The following SPTA1 variants were observed in gnomAD, a reference collection of about 807,000 sequenced individuals.
The protein encoded by SPTA1 is spectrin alpha chain, erythrocytic 1.
A neutral mutation model predicts 324.7 loss-of-function variants in SPTA1; 177 were observed. That is an observed-to-expected ratio of 0.55 (90% CI 0.48 to 0.62). SPTA1 has a LOEUF of 0.62. Among genes scored for constraint, SPTA1 ranks in the 20% least tolerant of loss-of-function variants. The pLI, the probability that SPTA1 is intolerant of heterozygous loss-of-function variation, is 0.00. For synonymous variants in SPTA1, 1,195 were observed against 1,041.3 expected, an observed-to-expected ratio of 1.15 and a Z score of -2.84; for missense variants, 3,162 against 2,883.6, an observed-to-expected ratio of 1.10 and a Z score of -2.21.
At chr1:158,634,733 T>C in intron 38 of SPTA1, 58 bp from the exon 39 acceptor site, 1 of 1,604,470 alleles carries the variant, frequency 6.2e-7, no homozygotes, top group East Asian at 2.2e-5. Context: ...GCAGTGGGAG[T>C]ACAGTGGGGT....
intron 28 of SPTA1, 32 bp downstream of exon 28, chr1:158,645,463 G>C (rs1651925921): frequency 6.2e-7 from 1 of 1,613,892 alleles, no homozygotes; most frequent in Non-Finnish European, 8.5e-7. Context: ...TTCAGGTCAA[G>C]TGATCAGTGG....
intron 4 of SPTA1, 28 bp from the exon 5 acceptor site, chr1:158,680,757 C>A: frequency 6.2e-7 from 1 of 1,612,754 alleles, no homozygotes; most frequent in Non-Finnish European, 8.5e-7. Flanking sequence ...GATTGAGTTG[C>A]CAGCAAACAT....
In SPTA1 at chr1:158,626,909, C is replaced by T. The variant is rs771017231; in HGVS notation, c.5763G>A (p.Lys1921=). The T allele has an allele frequency of 2.0e-5, 33 of 1,613,858 alleles. 1 individual carries two copies. In the South Asian group the frequency reaches 3.1e-4, roughly 15 times the overall value. The stretch of plus-strand genomic sequence containing the variant: ...AGGCATAATCGTCTTCCAATTGCAA[C>T]TTCCAAGCAGCTATTGCCTTAGCCA... ...PSLAKAIAAW[K]LQLEDDYAFQ... Residue 1921 remains lysine, a synonymous_variant, in exon 41 of 52, where the codon AAG becomes AAA. Coordinates refer to ENST00000643759, the MANE Select transcript of SPTA1 (RefSeq NM_003126.4).
chr1:158,620,446 T>C lies in SPTA1; in HGVS notation c.6141A>G (p.Glu2047=). The change falls in exon 44 of 52, where the codon GAA becomes GAG. Residue 2047 remains glutamate, a synonymous_variant. Coordinates refer to ENST00000643759, the MANE Select transcript of SPTA1 (RefSeq NM_003126.4). ...TCAAAGCTGAAGCCTTATGTGCAAA[T>C]TCCACGAACAGGTCCTCAGCCTGCA... ...PLQKAEDLFV[E]FAHKASALNN... 1 of 1,613,104 alleles carries C rather than the reference T, an allele frequency of 6.2e-7. No homozygotes were observed. The highest frequency in any genetic ancestry group is 8.5e-7 in the Non-Finnish European group (1 of 1,180,020).
intron 29 of SPTA1, 81 bp from the exon 30 acceptor site, chr1:158,644,477 G>T: frequency 6.4e-7 from 1 of 1,551,834 alleles, no homozygotes; most frequent in Non-Finnish European, 8.9e-7. Context: ...TCAGGATCAT[G>T]ACACAAAGGG....
chr1:158,674,212 T>C lies in SPTA1; in HGVS notation c.1350+117A>G, dbSNP rs73020266. On this transcript the variant is annotated intron_variant, in intron 10 of 51. Transcript: ENST00000643759. Reference sequence around the variant, plus strand: ...AGTGTAAAAGTTTGATTCATATTATTAACACGTTTAAATGACTTCTATTCT... The same window carrying C: ...AGTGTAAAAGTTTGATTCATATTATCAACACGTTTAAATGACTTCTATTCT... 1.5e-3 allele frequency: 1,648 copies of C among 1,071,198 alleles called. 16 individuals are homozygous for C. The African/African-American group carries it at 0.021, about 14-fold the overall frequency. The allele number at this position is 1,071,198 out of a possible 1,614,324, so 66.4% of individuals were successfully genotyped here.
At chr1:158,657,835 C>T (rs1652937074) in intron 18 of SPTA1, 141 bp from the exon 19 acceptor site, 1 of 838,052 alleles carries the variant, frequency 1.2e-6, no homozygotes, top group Non-Finnish European at 1.9e-6. Context: ...TCTTGAGTTA[C>T]CTGGGAATTG....
intron 42 of SPTA1, among the ~76,000 whole-genome samples, chr1:158,625,509 A>G (rs1040555206): frequency 6.6e-6 from 1 of 152,096 alleles, no homozygotes; most frequent in Non-Finnish European, 1.5e-5. Flanking sequence ...CTGGATATAA[A>G]TCAAGTTTCT....
At chr1:158,659,855 T>C (rs980827179) in intron 18 of SPTA1, among the ~76,000 whole-genome samples, 1 of 60,980 alleles carries the variant, frequency 1.6e-5, no homozygotes, top group Non-Finnish European at 2.6e-5. Context: ...CATGATCCAC[T>C]CGCCTCGGCC....
chr1:158,611,131 GCA>G lies in SPTA1; in HGVS notation c.*131_*132del, dbSNP rs55832242. The G allele has an allele frequency of 0.31, 208,260 of 664,300 alleles. 11,471 individuals carry two copies. Among genetic ancestry groups the G allele is most frequent in the East Asian group, 0.45 (13,788 of 30,644 alleles). 41.2% of individuals were successfully genotyped at this position (664,300 alleles called of 1,614,324 possible). A position where few individuals can be genotyped will look rare whatever the true frequency, so the allele number is the denominator to read the frequency against. ...AAATGTAATATGCACACAAACACAA[GCA>G]CACACACACACACACACACACACAC... On this transcript the variant is annotated 3_prime_UTR_variant, in exon 52 of 52. Coordinates refer to ENST00000643759, the MANE Select transcript of SPTA1 (RefSeq NM_003126.4).
intron 25 of SPTA1, among the ~76,000 whole-genome samples, 182 bp downstream of exon 25, chr1:158,649,674 T>C (rs996467028): frequency 2.6e-5 from 4 of 152,228 alleles, no homozygotes; most frequent in African/African-American, 9.6e-5. Flanking sequence ...TTGAAGCTAG[T>C]TGTCTGGGAG....
At position 158,645,598 on chromosome 1, in the gene SPTA1, G is replaced by A. The variant is rs745744207; in HGVS notation, c.3897-4C>T. The A allele has an allele frequency of 3.7e-6, 6 of 1,613,796 alleles. No individual in the cohort carries two copies. The highest frequency in any genetic ancestry group is 5.1e-6 in the Non-Finnish European group (6 of 1,179,874). On this transcript the variant is annotated splice_region_variant and splice_polypyrimidine_tract_variant and intron_variant, in intron 27 of 51. Transcript: ENST00000643759. Reference sequence around the variant, plus strand: ...ACTGATCCAGTTCTGCAGATCCCTAGATAAACAGACACATTGGAATTGACA... The same window carrying A: ...ACTGATCCAGTTCTGCAGATCCCTAAATAAACAGACACATTGGAATTGACA...
Position 158,613,713 on chromosome 1 carries a change from G to C in SPTA1, c.6989+8C>G, listed in dbSNP as rs1185409461. 6.2e-7 allele frequency: 1 copy of C among 1,613,430 alleles called. No homozygotes were observed. The highest frequency in any genetic ancestry group is 1.3e-5 in the African/African-American group (1 of 74,828). Reference sequence around the variant, plus strand: ...CTGCTGCGGTCTGACCCTTAGTCTTGTTCCTACCTCCCTGGATCCACAGCA... The same window carrying C: ...CTGCTGCGGTCTGACCCTTAGTCTTCTTCCTACCTCCCTGGATCCACAGCA... On this transcript the variant is annotated splice_region_variant and intron_variant, in intron 50 of 51. Transcript: ENST00000643759.
chr1:158,635,992 C>G lies in SPTA1; in HGVS notation c.5353G>C (p.Val1785Leu). ...CGCAACTGGATCTCCTCTTGCCCCA[C>G]AGCAGCCTTGTCTTTCAGCTTCTCT... ...MAEKLKDKAA[V>L]GQEEIQLRLA... Residue 1785 changes from valine (V) to leucine (L), a missense_variant, in exon 38 of 52, where the codon GTG (valine) becomes CTG (leucine). Physicochemically the swap from Val to Leu is conservative, Grantham distance 32. Coordinates refer to ENST00000643759, the MANE Select transcript of SPTA1 (RefSeq NM_003126.4). 1 of 1,614,168 alleles carries G rather than the reference C, an allele frequency of 6.2e-7. No individual in the cohort carries two copies. The highest frequency in any genetic ancestry group is 8.5e-7 in the Non-Finnish European group (1 of 1,180,024).
intron 3 of SPTA1, 78 bp from the exon 4 acceptor site, chr1:158,681,745 G>T: frequency 1.3e-6 from 2 of 1,589,582 alleles, no homozygotes; most frequent in Non-Finnish European, 1.7e-6. Context: ...TGCAGAAAGA[G>T]ACCTGGATAA....
At chr1:158,671,950 A>T in intron 11 of SPTA1, 109 bp downstream of exon 11, 2 of 1,413,904 alleles carry the variant, frequency 1.4e-6, no homozygotes, top group Admixed American at 3.4e-5. Context: ...AGTTCCCAAG[A>T]CAAGCTCTGA....
At position 158,662,933 on chromosome 1, in the gene SPTA1, T is replaced by C; in HGVS notation, c.2233A>G (p.Ile745Val). 6.2e-7 allele frequency: 1 copy of C among 1,614,052 alleles called. No individual in the cohort carries two copies. The highest frequency in any genetic ancestry group is 8.5e-7 in the Non-Finnish European group (1 of 1,179,962). The change falls in exon 17 of 52, where the codon ATC becomes GTC. Residue 745 changes from isoleucine to valine, a missense_variant. Physicochemically the swap from Ile to Val is conservative, Grantham distance 29. Transcript: ENST00000643759. ...AVAARQDQVD[I>V]LTDLAAYFEE... ...AAATATGCAGCCAGGTCTGTAAGGA[T>C]ATCCACCTGATCCTAAGGGAGAAAT... is the stretch of plus-strand genomic sequence containing the variant.
chr1:158,657,967 C>A (rs535625606), intron 18 of SPTA1, among the ~76,000 whole-genome samples: 3 of 152,084 alleles, frequency 2.0e-5, no homozygotes, highest in Non-Finnish European at 4.4e-5. Context: ...GTGTGGGTGA[C>A]TGAGAGTTCC....
intron 40 of SPTA1, among the ~76,000 whole-genome samples, 150 bp downstream of exon 40, chr1:158,627,472 CACA>C (rs960299350): frequency 1.6e-4 from 25 of 152,086 alleles, no homozygotes; most frequent in Admixed American, 5.2e-4. Flanking sequence ...ATTTGCTAAC[CACA>C]ACAACAACAA....
Sources: allele counts gnomAD v4.1 joint callset (sites outside exome capture counted in the v4.1 genomes callset), GRCh38; gene constraint gnomAD v4.1.1; transcripts MANE v1.5; gene names NCBI Gene and HGNC (gene_info 2026-07-23, HGNC 2026-07-21).